Variants in IL19 observed in about 807,000 individuals in gnomAD.
IL19 encodes interleukin 19.
In IL19, 15 loss-of-function variants were observed where a neutral mutation model predicts 19.5. The observed-to-expected ratio is 0.77, with a 90% CI of 0.52 to 1.19. The LOEUF (loss-of-function observed/expected upper bound fraction) is 1.19, where lower values mean the gene tolerates loss of function less well. Among genes scored for constraint, IL19 ranks in the 50% most tolerant of loss-of-function variants. The pLI is 0.00. For synonymous variants in IL19, 78 were observed against 78.3 expected (o/e 1.00, Z 0.02); for missense variants, 199 against 213.1 (o/e 0.93, Z 0.41).
chr1:206,827,691 AAAACAAAACAAAACAAAAC>A (rs1329424310), intron 2 of IL19, among the ~76,000 whole-genome samples: 4 of 31,320 alleles, frequency 1.3e-4, no homozygotes, highest in Non-Finnish European at 1.8e-4. Context: ...TCCGTCTCAA[AAAACAAAACAAAACAAAAC>A]AAAAAAAACA....
intron 2 of IL19, among the ~76,000 whole-genome samples, chr1:206,813,766 A>G (rs1676076485): frequency 6.6e-6 from 1 of 152,202 alleles, no homozygotes; most frequent in Non-Finnish European, 1.5e-5. Flanking sequence ...TTAATTAAGC[A>G]CTAATCAGGT....
At chr1:206,841,180 T>G in intron 6 of IL19, 102 bp downstream of exon 6, 2 of 864,338 alleles carry the variant, frequency 2.3e-6, no homozygotes, top group Non-Finnish European at 3.9e-6. Flanking sequence ...GCATTCACTC[T>G]ATAAGCAGCC....
intron 6 of IL19, among the ~76,000 whole-genome samples, chr1:206,841,775 G>C (rs139037806): frequency 6.6e-6 from 1 of 152,304 alleles, no homozygotes; most frequent in Non-Finnish European, 1.5e-5. Flanking sequence ...CTATAAGCCA[G>C]GTATTGCTCT....
intron 1 of IL19, among the ~76,000 whole-genome samples, chr1:206,779,457 G>A (rs1675080886): frequency 6.6e-6 from 1 of 152,072 alleles, no homozygotes; most frequent in Admixed American, 6.5e-5. Context: ...TCATTCCTTT[G>A]ACTCTGCTGG....
chr1:206,827,012 A>T (rs573158584), intron 2 of IL19, among the ~76,000 whole-genome samples: 10 of 152,372 alleles, frequency 6.6e-5, no homozygotes, highest in African/African-American at 1.9e-4. Flanking sequence ...CACATTGCCT[A>T]GAAAGAAGTG....
intron 2 of IL19, among the ~76,000 whole-genome samples, chr1:206,832,510 C>A (rs1676641643): frequency 6.6e-6 from 1 of 152,158 alleles, no homozygotes; most frequent in Non-Finnish European, 1.5e-5. Context: ...GCCATACCCT[C>A]GTCTTATTTC....
At chr1:206,771,392 G>A (rs1477332544) in intron 1 of IL19, 3 of 1,612,878 alleles carry the variant, frequency 1.9e-6, no homozygotes, top group Admixed American at 1.7e-5. Context: ...TTAACAACAA[G>A]TTGTCCAGCT....
At chr1:206,796,938 AGGAC>A (rs1432824927) in intron 1 of IL19, among the ~76,000 whole-genome samples, 1 of 152,232 alleles carries the variant, frequency 6.6e-6, no homozygotes, top group Non-Finnish European at 1.5e-5. Flanking sequence ...TGTCCAGCCC[AGGAC>A]TACAGACTCA....
At chr1:206,792,195 C>T (rs1209549947) in intron 1 of IL19, among the ~76,000 whole-genome samples, 1 of 152,182 alleles carries the variant, frequency 6.6e-6, no homozygotes, top group South Asian at 2.1e-4. Flanking sequence ...AGTATACAAG[C>T]AAACCAACTG....
At chr1:206,810,456 C>A (rs1675974418) in intron 2 of IL19, among the ~76,000 whole-genome samples, 1 of 152,200 alleles carries the variant, frequency 6.6e-6, no homozygotes, top group Non-Finnish European at 1.5e-5. Flanking sequence ...ATCTACCAGC[C>A]TCACATCCAT....
chr1:206,802,459 T>C (rs777376231), intron 2 of IL19, among the ~76,000 whole-genome samples: 11 of 152,144 alleles, frequency 7.2e-5, no homozygotes, highest in Non-Finnish European at 1.5e-4. Context: ...ATCAAGCGAT[T>C]ACCCCTATTT....
chr1:206,771,523 GCTCTGGCCC>G, intron 1 of IL19: 1 of 894,594 alleles, frequency 1.1e-6, no homozygotes, highest in Non-Finnish European at 1.8e-6. Context: ...AATAAAATTG[GCTCTGGCCC>G]AAAAAAATCA....
intron 1 of IL19, among the ~76,000 whole-genome samples, chr1:206,790,318 G>C (rs1222363769): frequency 6.6e-6 from 1 of 151,886 alleles, no homozygotes; most frequent in Admixed American, 6.6e-5. Context: ...TCCTCTCATT[G>C]TGCCATCCTC....
At chr1:206,807,879 T>C (rs544890846) in intron 2 of IL19, among the ~76,000 whole-genome samples, 120 of 152,308 alleles carry the variant, frequency 7.9e-4, no homozygotes, top group African/African-American at 2.7e-3. Context: ...AAAGAAGTTA[T>C]GGGAATTGAT....
At position 206,793,125 on chromosome 1, in the gene IL19, A is replaced by G. The variant is rs528416544; in HGVS notation, c.-148-5736A>G. On this transcript the variant is annotated intron_variant, in intron 1 of 6. Coordinates refer to ENST00000659997, the MANE Select transcript of IL19 (RefSeq NM_153758.5). Reference sequence around the variant, plus strand: ...CGCTTGTGGGACACCCACGCAAGCCACTGACAATCCTCAGGGTTGGTCAGC... The same window carrying G: ...CGCTTGTGGGACACCCACGCAAGCCGCTGACAATCCTCAGGGTTGGTCAGC... Among the ~76,000 whole-genome samples, 3 of 152,362 alleles carry G rather than the reference A, an allele frequency of 2.0e-5. No homozygotes were observed. In the South Asian group the frequency reaches 6.2e-4, roughly 32 times the overall value.
intron 1 of IL19, among the ~76,000 whole-genome samples, chr1:206,781,303 G>C (rs958229962): frequency 6.6e-6 from 1 of 151,066 alleles, no homozygotes; most frequent in Non-Finnish European, 1.5e-5. Context: ...AATTAGCTGG[G>C]CGTGGTGAGG....
intron 1 of IL19, among the ~76,000 whole-genome samples, chr1:206,793,122 G>A (rs910126929): frequency 6.6e-6 from 1 of 152,226 alleles, no homozygotes; most frequent in African/African-American, 2.4e-5. Flanking sequence ...ACCCACGCAA[G>A]CCACTGACAA....
intron 1 of IL19, among the ~76,000 whole-genome samples, chr1:206,787,553 G>T (rs1174948686): frequency 6.6e-6 from 1 of 152,204 alleles, no homozygotes; most frequent in African/African-American, 2.4e-5. Flanking sequence ...CTAGGTCCGG[G>T]AAAAGGAGGC....
intron 1 of IL19, among the ~76,000 whole-genome samples, chr1:206,780,848 G>T (rs763061684): frequency 6.6e-6 from 1 of 152,142 alleles, no homozygotes; most frequent in Non-Finnish European, 1.5e-5. Flanking sequence ...AGATGTGTTC[G>T]GTGTGTGAGG....
Sources: allele counts gnomAD v4.1 joint callset (sites outside exome capture counted in the v4.1 genomes callset), GRCh38; gene constraint gnomAD v4.1.1; transcripts MANE v1.5; gene names NCBI Gene and HGNC (gene_info 2026-07-23, HGNC 2026-07-21).